Variants in JAK1 observed in about 807,000 individuals in gnomAD.
The protein encoded by JAK1 is tyrosine-protein kinase JAK1.
A neutral mutation model predicts 136.6 loss-of-function variants in JAK1; 16 were observed. The observed-to-expected ratio is 0.12, with a 90% confidence interval of 0.08 to 0.18. JAK1 has a LOEUF of 0.18. Ranked by LOEUF, JAK1 falls within the 10% of genes least tolerant of loss-of-function variation. The pLI is 1.00. For synonymous variants in JAK1, 492 were observed against 519.5 expected (o/e 0.95, Z 0.72); for missense variants, 859 against 1,450.1 (o/e 0.59, Z 6.62).
At chr1:64,883,035 C>A (rs1644798371) in intron 3 of JAK1, among the ~76,000 whole-genome samples, 1 of 151,880 alleles carries the variant, frequency 6.6e-6, no homozygotes, top group African/African-American at 2.4e-5. Flanking sequence ...TCTTATAGTT[C>A]ATTAGTGACG....
chr1:65,051,321 C>T (rs1168477522), intron 1 of JAK1, among the ~76,000 whole-genome samples: 4 of 151,986 alleles, frequency 2.6e-5, no homozygotes, highest in Non-Finnish European at 5.9e-5. Flanking sequence ...TGTCTATATT[C>T]CCAGTGATAT....
intron 1 of JAK1, among the ~76,000 whole-genome samples, chr1:64,943,090 C>A (rs953007421): frequency 2.0e-5 from 3 of 152,100 alleles, no homozygotes; most frequent in African/African-American, 7.2e-5. Flanking sequence ...GAAGTTATTT[C>A]TTTAGTTTTC....
At chr1:65,024,065 T>C (rs1023459532) in intron 2 of JAK1, among the ~76,000 whole-genome samples, 3 of 152,170 alleles carry the variant, frequency 2.0e-5, no homozygotes, top group Non-Finnish European at 4.4e-5. Flanking sequence ...TGAATACAAG[T>C]ACTATGAGCA....
intron 2 of JAK1, among the ~76,000 whole-genome samples, chr1:65,006,660 G>A (rs1342064287): frequency 6.6e-6 from 1 of 152,116 alleles, no homozygotes; most frequent in African/African-American, 2.4e-5. Context: ...CATTCTTAAA[G>A]GGGAACTCAT....
At chr1:64,942,432 CATTTT>C (rs1250989193) in intron 1 of JAK1, 1 of 152,044 alleles carries the variant, frequency 6.6e-6, no homozygotes, top group Non-Finnish European at 1.5e-5. Context: ...ATCAGAAAAT[CATTTT>C]ATTTTTGTTT....
chr1:64,896,201 T>G (rs1262343894), intron 1 of JAK1, among the ~76,000 whole-genome samples: 1 of 152,258 alleles, frequency 6.6e-6, no homozygotes, highest in African/African-American at 2.4e-5. Flanking sequence ...CTTTTTTGCA[T>G]CCTTGAAGCA....
At chr1:65,059,483 T>C (rs971533593) in intron 1 of JAK1, among the ~76,000 whole-genome samples, 3 of 152,208 alleles carry the variant, frequency 2.0e-5, no homozygotes, top group Non-Finnish European at 2.9e-5. Flanking sequence ...ACATTGATAT[T>C]TTTCACTATA....
At chr1:65,038,793 C>T (rs925709410) in intron 2 of JAK1, among the ~76,000 whole-genome samples, 1 of 152,176 alleles carries the variant, frequency 6.6e-6, no homozygotes, top group African/African-American at 2.4e-5. Context: ...TGCCCACCAC[C>T]ACACCCAGCT....
intron 2 of JAK1, among the ~76,000 whole-genome samples, chr1:65,026,895 T>C (rs1171552555): frequency 6.6e-6 from 1 of 151,846 alleles, no homozygotes; most frequent in Non-Finnish European, 1.5e-5. Flanking sequence ...GAGGCTGCAG[T>C]GAGCTGAGAT....
At chr1:64,858,079 C>T (rs907934927) in intron 9 of JAK1, among the ~76,000 whole-genome samples, 1 of 152,340 alleles carries the variant, frequency 6.6e-6, no homozygotes, top group Non-Finnish European at 1.5e-5. Context: ...GACAGAAGAG[C>T]CTCTCTGGAG....
intron 4 of JAK1, chr1:64,875,995 G>A (rs555681132): frequency 6.6e-6 from 1 of 152,472 alleles, no homozygotes; most frequent in South Asian, 2.1e-4. Context: ...CAACAGGAGG[G>A]GTAAATGCTG....
At chr1:64,999,997 T>C (rs909059893) in intron 2 of JAK1, among the ~76,000 whole-genome samples, 2 of 151,256 alleles carry the variant, frequency 1.3e-5, no homozygotes, top group Non-Finnish European at 2.9e-5. Context: ...TCATAAGTTT[T>C]TTTTTTTTTT....
At chr1:64,886,169 C>A in intron 2 of JAK1, 90 bp downstream of exon 2, 2 of 803,966 alleles carry the variant, frequency 2.5e-6, no homozygotes. Flanking sequence ...GGCAATAGCA[C>A]CAATAGCCCT....
At position 65,010,979 on chromosome 1, in the gene JAK1, T is replaced by C. The variant is rs370389471; in HGVS notation, c.-78+33501A>G. On this transcript the variant is annotated intron_variant, in intron 2 of 25. Coordinates refer to the JAK1 transcript ENST00000671954. The stretch of plus-strand genomic sequence containing the variant: ...CTCCAACCTGGGTAACAGAGACAGA[T>C]CCTGTCTCTAAAATAATAATAATAG... Among the ~76,000 whole-genome samples the C allele has an allele frequency of 1.2e-4, 18 of 152,244 alleles. 1 individual carries two copies. Among genetic ancestry groups the C allele is most frequent in the Admixed American group, 3.3e-4 (5 of 15,296 alleles).
chr1:64,909,063 T>C, intron 1 of JAK1, among the ~76,000 whole-genome samples: 1 of 152,236 alleles, frequency 6.6e-6, no homozygotes, highest in East Asian at 1.9e-4. Context: ...GCTACTGCTA[T>C]CTAGCATTAT....
chr1:65,024,660 C>CAAAAAAAAAAAAAAAAAA (rs11349903), intron 2 of JAK1, among the ~76,000 whole-genome samples: 2 of 69,866 alleles, frequency 2.9e-5, no homozygotes, highest in East Asian at 3.7e-4. Flanking sequence ...TGGTCCAAAG[C>CAAAAAAAAAAAAAAAAAA]AAAAAAAAAA....
chr1:64,915,469 T>C (rs1294725752), intron 1 of JAK1, among the ~76,000 whole-genome samples: 1 of 152,192 alleles, frequency 6.6e-6, no homozygotes, highest in Non-Finnish European at 1.5e-5. Flanking sequence ...CACCAGTAAC[T>C]GGGGTGAAGA....
intron 1 of JAK1, among the ~76,000 whole-genome samples, chr1:64,928,778 C>CAAAAAAGAAAAAAAAAAAAA (rs1553169956): frequency 1.6e-5 from 1 of 61,126 alleles, no homozygotes; most frequent in Non-Finnish European, 3.1e-5. Flanking sequence ...TAAAACTCTG[C>CAAAAAAGAAAAAAAAAAAAA]AAAAAAAAAA....
intron 1 of JAK1, among the ~76,000 whole-genome samples, chr1:64,889,156 C>T (rs1295285091): frequency 6.6e-6 from 1 of 152,130 alleles, no homozygotes; most frequent in Non-Finnish European, 1.5e-5. Context: ...GGAGCAAGAT[C>T]AGTTTATATT....
Sources: allele counts gnomAD v4.1 joint callset (sites outside exome capture counted in the v4.1 genomes callset), GRCh38; gene constraint gnomAD v4.1.1; transcripts MANE v1.5; gene names NCBI Gene and HGNC (gene_info 2026-07-23, HGNC 2026-07-21).